Variants in UBE2W observed in about 807,000 individuals in gnomAD.
UBE2W encodes the protein ubiquitin-conjugating enzyme E2 W.
A neutral mutation model predicts 27.2 loss-of-function variants in UBE2W; 18 were observed. The observed-to-expected ratio is 0.66, with a 90% CI of 0.46 to 0.98. UBE2W has a LOEUF of 0.98. Among genes scored for constraint, UBE2W ranks in the 50% least tolerant of loss-of-function variants. The pLI, the probability that UBE2W is intolerant of heterozygous loss-of-function variation, is 0.00. For synonymous variants in UBE2W, 53 were observed against 57.2 expected (o/e 0.93, Z 0.33); for missense variants, 90 against 180.2 (o/e 0.50, Z 2.87).
At chr8:73,842,240 G>A (rs912974724) in intron 1 of UBE2W, among the ~76,000 whole-genome samples, 30 of 152,044 alleles carry the variant, frequency 2.0e-4, no homozygotes, top group African/African-American at 6.0e-4. Context: ...CGTTAAGAAT[G>A]ACGTGGGGCC....
At chr8:73,845,896 TA>T (rs985767131) in intron 1 of UBE2W, among the ~76,000 whole-genome samples, 6 of 150,888 alleles carry the variant, frequency 4.0e-5, no homozygotes, top group East Asian at 3.9e-4. Flanking sequence ...AAACTAAGTT[TA>T]AAAAAAAATG....
chr8:73,813,015 A>AG (rs1246268437), intron 3 of UBE2W, among the ~76,000 whole-genome samples: 6 of 150,280 alleles, frequency 4.0e-5, no homozygotes, highest in Non-Finnish European at 7.4e-5. Context: ...TAAAAAAAAA[A>AG]AAAAAGATAT....
chr8:73,877,515 G>A (rs991913807), intron 1 of UBE2W, among the ~76,000 whole-genome samples: 20 of 152,076 alleles, frequency 1.3e-4, no homozygotes, highest in African/African-American at 4.1e-4. Flanking sequence ...GTGAAGCAAA[G>A]CTATATTTGT....
chr8:73,804,099 C>A (rs751862539), intron 5 of UBE2W, among the ~76,000 whole-genome samples: 1 of 151,984 alleles, frequency 6.6e-6, no homozygotes, highest in Admixed American at 6.6e-5. Flanking sequence ...TAACTACTGG[C>A]ATAGTTCTAT....
chr8:73,803,017 G>A (rs780616074), intron 5 of UBE2W, among the ~76,000 whole-genome samples: 3 of 150,258 alleles, frequency 2.0e-5, no homozygotes, highest in African/African-American at 4.9e-5. Flanking sequence ...GCAAGACTCC[G>A]TCTCAAAATA....
intron 1 of UBE2W, among the ~76,000 whole-genome samples, chr8:73,877,665 C>A (rs1049387736): frequency 1.3e-5 from 2 of 152,110 alleles, no homozygotes; most frequent in Non-Finnish European, 2.9e-5. Flanking sequence ...GGTCTCTTTA[C>A]CCAAGGGGAT....
intron 1 of UBE2W, chr8:73,831,114 A>G: frequency 2.9e-6 from 1 of 340,094 alleles, no homozygotes; most frequent in African/African-American, 2.2e-5. Context: ...TTTCCTATAA[A>G]CCAGTAAATA....
chr8:73,877,907 G>C (rs996065520), intron 1 of UBE2W, among the ~76,000 whole-genome samples: 2 of 152,200 alleles, frequency 1.3e-5, no homozygotes, highest in African/African-American at 2.4e-5. Flanking sequence ...AAGTTGGAAA[G>C]CCAGAAAACC....
chr8:73,818,919 C>A (rs1809497966), intron 3 of UBE2W, among the ~76,000 whole-genome samples: 1 of 152,132 alleles, frequency 6.6e-6, no homozygotes, highest in Admixed American at 6.6e-5. Context: ...GAACTGTGAG[C>A]CAATTAAACC....
downstream of UBE2W, among the ~76,000 whole-genome samples, chr8:73,782,124 T>C (rs1807858080): frequency 1.3e-5 from 2 of 151,818 alleles, no homozygotes; most frequent in Non-Finnish European, 1.5e-5. Flanking sequence ...TTTTTTTGTA[T>C]TTTTAGAAGA....
At chr8:73,828,490 T>C (rs1158550457) in intron 2 of UBE2W, among the ~76,000 whole-genome samples, 3 of 152,192 alleles carry the variant, frequency 2.0e-5, no homozygotes, top group African/African-American at 4.8e-5. Flanking sequence ...GAATTAGCAA[T>C]GTCGAAATGA....
chr8:73,836,131 C>CA (rs1810301391), intron 1 of UBE2W, among the ~76,000 whole-genome samples: 1 of 152,206 alleles, frequency 6.6e-6, no homozygotes, highest in Admixed American at 6.5e-5. Context: ...TCCTCCCCTC[C>CA]ATCCCAGAAG....
intron 3 of UBE2W, among the ~76,000 whole-genome samples, chr8:73,811,638 A>G (rs879717661): frequency 6.6e-6 from 1 of 152,170 alleles, no homozygotes; most frequent in Non-Finnish European, 1.5e-5. Context: ...CTGCTTTCAC[A>G]GATTCTAATT....
intron 4 of UBE2W, among the ~76,000 whole-genome samples, chr8:73,807,545 G>C (rs1808967470): frequency 6.6e-6 from 1 of 152,054 alleles, no homozygotes; most frequent in Non-Finnish European, 1.5e-5. Flanking sequence ...AAGACATTTA[G>C]GTATTCCAAG....
intron 3 of UBE2W, among the ~76,000 whole-genome samples, chr8:73,824,348 T>C (rs1208305069): frequency 6.6e-6 from 1 of 152,230 alleles, no homozygotes; most frequent in African/African-American, 2.4e-5. Context: ...AATCAGACTT[T>C]GTGCTGATGT....
intron 4 of UBE2W, among the ~76,000 whole-genome samples, chr8:73,809,474 A>G (rs1009865870): frequency 1.3e-5 from 2 of 152,212 alleles, no homozygotes; most frequent in Non-Finnish European, 2.9e-5. Flanking sequence ...GAAATACATA[A>G]ATGTTATGCT....
Position 73,825,134 on chromosome 8 carries a change from G to C in UBE2W, c.210+13C>G, listed in dbSNP as rs1416660211. On this transcript the variant is annotated intron_variant, in intron 3 of 5. Coordinates refer to ENST00000602593, the MANE Select transcript of UBE2W (RefSeq NM_018299.6). Reference sequence around the variant, plus strand: ...AAAAATACAAAAAAAAAAATTTAAAGCAAGGCAATTACCTGAGGAGAGTCA... The same window carrying C: ...AAAAATACAAAAAAAAAAATTTAAACCAAGGCAATTACCTGAGGAGAGTCA... 3 of 1,505,714 alleles carry C rather than the reference G, an allele frequency of 2.0e-6. No homozygotes were observed. The highest frequency in any genetic ancestry group is 2.7e-6 in the Non-Finnish European group (3 of 1,125,622). The allele number at this position is 1,505,714 out of a possible 1,614,324, so 93.3% of individuals were successfully genotyped here. A position where few individuals can be genotyped will look rare whatever the true frequency, so the allele number is the denominator to read the frequency against.
At chr8:73,830,574 C>T (rs1810028558) in intron 1 of UBE2W, 102 bp from the exon 2 acceptor site, 1 of 836,524 alleles carries the variant, frequency 1.2e-6, no homozygotes, top group African/African-American at 1.7e-5. Context: ...CATCCTCAAA[C>T]TCCTGGGCTC....
rs1807987517 is a variant in UBE2W, at chr8:73,787,083, T to C, written c.*7019A>G. ...TTTCCTTATTATTTCCATAATCCAC[T>C]TAACTGTAAAGGGCGTAGGGATTCC... is the stretch of plus-strand genomic sequence containing the variant. On this transcript the variant is annotated 3_prime_UTR_variant, in exon 6 of 6. Coordinates refer to ENST00000602593, the MANE Select transcript of UBE2W (RefSeq NM_018299.6). 1 of 985,322 alleles carries C rather than the reference T, an allele frequency of 1.0e-6. No homozygotes were observed. Among genetic ancestry groups the C allele is most frequent in the Admixed American group, 6.2e-5 (1 of 16,260 alleles). 61.0% of individuals were successfully genotyped at this position (985,322 alleles called of 1,614,324 possible).
Sources: allele counts gnomAD v4.1 joint callset (sites outside exome capture counted in the v4.1 genomes callset), GRCh38; gene constraint gnomAD v4.1.1; transcripts MANE v1.5; gene names NCBI Gene and HGNC (gene_info 2026-07-23, HGNC 2026-07-21).